PDE4D: variants seen among roughly 807,000 people sequenced by gnomAD.
PDE4D encodes the protein 3',5'-cyclic-AMP phosphodiesterase 4D.
A neutral mutation model predicts 87.4 loss-of-function variants in PDE4D; 24 were observed. The observed-to-expected ratio is 0.27, with a 90% CI of 0.20 to 0.39. The LOEUF (loss-of-function observed/expected upper bound fraction) is 0.39. PDE4D is among the 10% of genes least tolerant of loss of function. The pLI, the probability that PDE4D is intolerant of heterozygous loss-of-function variation, is 1.00. For synonymous variants in PDE4D, 384 were observed against 383.2 expected (o/e 1.00, Z -0.02); for missense variants, 714 against 1,041.0 (o/e 0.69, Z 4.32).
intron 2 of PDE4D, among the ~76,000 whole-genome samples, chr5:60,148,735 A>G (rs191435016): frequency 1.0e-3 from 158 of 152,340 alleles, no homozygotes; most frequent in African/African-American, 3.4e-3. Flanking sequence ...TTATAGTAGG[A>G]CATACATTTA....
chr5:58,999,494 T>A, intron 6 of PDE4D: 1 of 1,524,356 alleles, frequency 6.6e-7, no homozygotes, highest in Non-Finnish European at 8.9e-7. Context: ...CTTACCTTTA[T>A]GTAGCCCCAA....
At chr5:59,867,923 T>C (rs1581501033) in intron 1 of PDE4D, among the ~76,000 whole-genome samples, 1 of 152,298 alleles carries the variant, frequency 6.6e-6, no homozygotes, top group East Asian at 1.9e-4. Context: ...GAAAGGGAAT[T>C]GGATAATTGA....
At chr5:59,785,435 G>C (rs1359827969) in intron 1 of PDE4D, among the ~76,000 whole-genome samples, 1 of 152,184 alleles carries the variant, frequency 6.6e-6, no homozygotes, top group Non-Finnish European at 1.5e-5. Flanking sequence ...TTCTAAGAAT[G>C]TATTAGTGGA....
At chr5:59,912,866 G>A (rs1302338690) in intron 3 of PDE4D, among the ~76,000 whole-genome samples, 1 of 152,190 alleles carries the variant, frequency 6.6e-6, no homozygotes, top group Admixed American at 6.5e-5. Context: ...AAAGGAAATA[G>A]TGAGGCATGT....
intron 1 of PDE4D, among the ~76,000 whole-genome samples, chr5:59,702,869 CAAAAAA>C (rs71604798): frequency 1.4e-5 from 1 of 69,818 alleles, no homozygotes; most frequent in South Asian, 6.1e-4. Flanking sequence ...GACCCTGTCT[CAAAAAA>C]AAAAAAAAAA....
At chr5:59,336,920 A>G (rs1777761079) in intron 1 of PDE4D, among the ~76,000 whole-genome samples, 1 of 152,150 alleles carries the variant, frequency 6.6e-6, no homozygotes, top group Non-Finnish European at 1.5e-5. Flanking sequence ...TATTTACTCA[A>G]TGTTCAGTTC....
At chr5:60,318,895 T>C (rs1357108824) in intron 1 of PDE4D, among the ~76,000 whole-genome samples, 1 of 152,194 alleles carries the variant, frequency 6.6e-6, no homozygotes, top group Non-Finnish European at 1.5e-5. Flanking sequence ...TAACCCGACC[T>C]TCCTCTCTGG....
intron 2 of PDE4D, among the ~76,000 whole-genome samples, chr5:59,206,810 A>G (rs1368473328): frequency 1.3e-5 from 2 of 152,202 alleles, no homozygotes; most frequent in African/African-American, 2.4e-5. Flanking sequence ...AATGTGGTGG[A>G]AAACACGTAT....
chr5:60,329,140 A>G (rs1757073870), intron 1 of PDE4D, among the ~76,000 whole-genome samples: 1 of 152,140 alleles, frequency 6.6e-6, no homozygotes, highest in Non-Finnish European at 1.5e-5. Context: ...CTTTTATCCT[A>G]TTAATGTGGT....
Position 58,969,641 on chromosome 5 carries a change from T to C in PDE4D, c.*5023A>G, listed in dbSNP as rs1293657750. On this transcript the variant is annotated 3_prime_UTR_variant, in exon 15 of 15. Transcript: ENST00000340635. The stretch of plus-strand genomic sequence containing the variant: ...TCATTGTACTGATCACATATATAAT[T>C]ATATGAGTATTGTTTAAGCCTTTGT... 1.3e-5 allele frequency: 2 copies of C among 152,154 alleles called. No individual in the cohort carries two copies. Among genetic ancestry groups the C allele is most frequent in the African/African-American group, 4.8e-5 (2 of 41,440 alleles). The allele number at this position is 152,154 out of a possible 1,614,324, so 9.4% of individuals were successfully genotyped here.
chr5:60,118,064 C>G (rs1778326357), intron 2 of PDE4D, among the ~76,000 whole-genome samples: 1 of 152,082 alleles, frequency 6.6e-6, no homozygotes, highest in Admixed American at 6.6e-5. Context: ...GAAAATCACT[C>G]CTTTTGTTGT....
At chr5:59,621,772 G>T (rs1479000028) in intron 1 of PDE4D, among the ~76,000 whole-genome samples, 1 of 152,096 alleles carries the variant, frequency 6.6e-6, no homozygotes, top group Non-Finnish European at 1.5e-5. Context: ...CATTTTACTT[G>T]ACTTTTTCCT....
At position 59,046,420 on chromosome 5, in the gene PDE4D, A is replaced by ATGTGTGTGTGTG. The variant is rs34085161; in HGVS notation, c.809-7461_809-7450dup. Among the ~76,000 whole-genome samples the ATGTGTGTGTGTG allele has an allele frequency of 2.9e-4, 42 of 143,434 alleles. 1 individual carries two copies. The highest frequency in any genetic ancestry group is 1.0e-3 in the African/African-American group (39 of 38,346). The allele number at this position is 143,434 out of a possible 152,430, so 94.1% of individuals were successfully genotyped here. A position where few individuals can be genotyped will look rare whatever the true frequency, so the allele number is the denominator to read the frequency against. Reference sequence around the variant, plus strand: ...TGAAAGAGTGAGAGAGAGAGAGAGAATGTGTGTGTGTGTGTGTGTGTGTAT... The same window carrying ATGTGTGTGTGTG: ...TGAAAGAGTGAGAGAGAGAGAGAGAATGTGTGTGTGTGTGTGTGTGTGTGTGTGTGTGTGTAT... On this transcript the variant is annotated intron_variant, in intron 5 of 14. Coordinates refer to ENST00000340635, the MANE Select transcript of PDE4D (RefSeq NM_001104631.2).
chr5:60,005,890 T>G (rs558974857), intron 2 of PDE4D, among the ~76,000 whole-genome samples: 1 of 151,806 alleles, frequency 6.6e-6, no homozygotes, highest in African/African-American at 2.4e-5. Context: ...AAAAGAGAAT[T>G]CAGACACATA....
intron 1 of PDE4D, among the ~76,000 whole-genome samples, chr5:60,256,779 A>G (rs1014414006): frequency 6.6e-6 from 1 of 151,994 alleles, no homozygotes. Context: ...TAAAGCCTCC[A>G]CTGACAAACA....
At chr5:59,845,730 G>A (rs1351517317) in intron 1 of PDE4D, among the ~76,000 whole-genome samples, 5 of 152,090 alleles carry the variant, frequency 3.3e-5, no homozygotes, top group Non-Finnish European at 5.9e-5. Flanking sequence ...CATTAGCTGT[G>A]TGGATATGGA....
intron 2 of PDE4D, among the ~76,000 whole-genome samples, chr5:60,085,970 G>A (rs1774476895): frequency 6.6e-6 from 1 of 152,128 alleles, no homozygotes; most frequent in Non-Finnish European, 1.5e-5. Context: ...TACAGCTATT[G>A]TGATAATTTT....
rs1561753203 is a variant in PDE4D at position 59,843,741 on chromosome 5, G to A, written c.455+49427C>T. On this transcript the variant is annotated intron_variant, in intron 1 of 14. Transcript: ENST00000340635. Reference sequence around the variant, plus strand: ...CCTCTAGCCATCTCTGTCTAACTGTGAGCTTCAAGTCCACTGGGTGCTTGG... The same window carrying A: ...CCTCTAGCCATCTCTGTCTAACTGTAAGCTTCAAGTCCACTGGGTGCTTGG... Among the ~76,000 whole-genome samples the A allele has an allele frequency of 3.3e-5, 5 of 152,032 alleles. No homozygotes were observed. In the South Asian group the frequency reaches 1.0e-3, roughly 32 times the overall value.
At chr5:60,306,177 A>C (rs1301551039) in intron 1 of PDE4D, among the ~76,000 whole-genome samples, 1 of 151,342 alleles carries the variant, frequency 6.6e-6, no homozygotes, top group East Asian at 1.9e-4. Flanking sequence ...GATAACCTTT[A>C]AAAATAAAAA....
Sources: gnomAD v4.1 joint callset for allele counts (sites outside exome capture counted in the v4.1 genomes callset) on GRCh38, gnomAD v4.1.1 for gene constraint, MANE v1.5 for transcripts, NCBI Gene and HGNC (gene_info 2026-07-23, HGNC 2026-07-21) for gene names.